The following SIDT1 variants were observed in gnomAD, a reference collection of about 807,000 sequenced individuals.
SIDT1 encodes SID1 transmembrane family member 1, also known as SID1 transmembrane family, member 1.
A neutral mutation model predicts 107.5 loss-of-function variants in SIDT1; 101 were observed. The observed-to-expected ratio is 0.94, with a 90% CI of 0.80 to 1.11. The LOEUF (loss-of-function observed/expected upper bound fraction) is 1.11, where lower values mean the gene tolerates loss of function less well. Among genes scored for constraint, SIDT1 ranks in the 50% least tolerant of loss-of-function variants. The pLI, the probability that SIDT1 is intolerant of heterozygous loss-of-function variation, is 0.00. For missense variants in SIDT1, 1,076 were observed against 1,058.2 expected (o/e 1.02, Z -0.23); for synonymous variants, 395 against 398.2 (o/e 0.99, Z 0.10).
intron 1 of SIDT1, among the ~76,000 whole-genome samples, chr3:113,553,982 G>A (rs1261483746): frequency 1.3e-5 from 2 of 152,204 alleles, no homozygotes; most frequent in Non-Finnish European, 2.9e-5. Context: ...AGGAGGCAGA[G>A]GTTGTAGTGA....
At chr3:113,633,737 A>C (rs1947107456), downstream of SIDT1, among the ~76,000 whole-genome samples, 1 of 152,226 alleles carries the variant, frequency 6.6e-6, no homozygotes, top group African/African-American at 2.4e-5. Context: ...TGGAGCCTGC[A>C]GAAGGCCGTT....
intron 6 of SIDT1, 113 bp downstream of exon 6, chr3:113,581,557 T>C (rs544400456): frequency 2.4e-6 from 2 of 830,848 alleles, no homozygotes; most frequent in South Asian, 2.9e-5. Flanking sequence ...TAGGATCTCC[T>C]TCCTTTCTGA....
chr3:113,587,934 G>C (rs1357474354), intron 9 of SIDT1, among the ~76,000 whole-genome samples: 2 of 152,084 alleles, frequency 1.3e-5, no homozygotes, highest in Non-Finnish European at 2.9e-5. Flanking sequence ...GTTGAAAAGG[G>C]GTCCAAAACA....
intron 4 of SIDT1, 76 bp downstream of exon 4, chr3:113,577,043 C>T (rs1367251685): frequency 7.2e-7 from 1 of 1,396,816 alleles, no homozygotes; most frequent in African/African-American, 1.4e-5. Flanking sequence ...ACCATGTTAC[C>T]CTGGTAGAGT....
chr3:113,627,856 T>C lies in SIDT1; in HGVS notation c.*148T>C. On this transcript the variant is annotated 3_prime_UTR_variant, in exon 25 of 25. Transcript: ENST00000264852. ...GCATTCACACAGGAAGGAGAGGGGCTGCGGGAGATTTAAACCTGCAAGAAA... is the reference window on the plus strand; with the variant it reads ...GCATTCACACAGGAAGGAGAGGGGCCGCGGGAGATTTAAACCTGCAAGAAA... 5.8e-6 allele frequency: 4 copies of C among 693,160 alleles called. No individual in the cohort carries two copies. Among genetic ancestry groups the C allele is most frequent in the Non-Finnish European group, 1.0e-5 (4 of 401,320 alleles). 42.9% of individuals were successfully genotyped at this position (693,160 alleles called of 1,614,324 possible). A position where few individuals can be genotyped will look rare whatever the true frequency, so the allele number is the denominator to read the frequency against.
In SIDT1 at chr3:113,544,611, A is replaced by G. The variant is rs76584935; in HGVS notation, c.222+11368A>G. ...GTTTGGAGAATGTCTCACAATTCAG[A>G]TTTCTCTGATGTGTCTTCATTATTA... On this transcript the variant is annotated intron_variant, in intron 1 of 24. Transcript: ENST00000264852. Among the ~76,000 whole-genome samples the G allele has an allele frequency of 8.4e-3, 1,283 of 152,214 alleles. 17 individuals are homozygous for G. Among genetic ancestry groups the G allele is most frequent in the East Asian group, 0.065 (335 of 5,184 alleles).
the SIDT1 span, among the ~76,000 whole-genome samples, chr3:113,635,815 C>T: frequency 2.7e-5 from 4 of 149,660 alleles, no homozygotes; most frequent in Admixed American, 1.3e-4. Flanking sequence ...GGCAGTGAGC[C>T]GAGATCGTAC....
intron 1 of SIDT1, among the ~76,000 whole-genome samples, chr3:113,546,069 T>G (rs1939548150): frequency 6.6e-6 from 1 of 152,360 alleles, no homozygotes; most frequent in Admixed American, 6.5e-5. Flanking sequence ...AGAGCAGTAC[T>G]GGGGAAGAGC....
At chr3:113,598,353 T>C (rs1335975877) in intron 10 of SIDT1, among the ~76,000 whole-genome samples, 1 of 152,238 alleles carries the variant, frequency 6.6e-6, no homozygotes, top group African/African-American at 2.4e-5. Flanking sequence ...AGTTTTTGGT[T>C]TTTGTTTTTC....
chr3:113,622,925 C>T (rs748075956), intron 21 of SIDT1, among the ~76,000 whole-genome samples: 5 of 152,032 alleles, frequency 3.3e-5, no homozygotes, highest in African/African-American at 7.2e-5. Context: ...CCATGGCTCA[C>T]GGCTGTAATC....
At chr3:113,633,828 T>C (rs1947108170), downstream of SIDT1, among the ~76,000 whole-genome samples, 1 of 152,150 alleles carries the variant, frequency 6.6e-6, no homozygotes, top group Non-Finnish European at 1.5e-5. Context: ...GATCTTGTTT[T>C]CAAGTAAACT....
intron 1 of SIDT1, among the ~76,000 whole-genome samples, chr3:113,563,212 C>G (rs928036490): frequency 6.6e-6 from 1 of 152,190 alleles, no homozygotes; most frequent in Non-Finnish European, 1.5e-5. Context: ...AGGGATTCAA[C>G]TCCGTGGAGA....
chr3:113,616,312 A>C, intron 20 of SIDT1, 136 bp downstream of exon 20: 1 of 671,470 alleles, frequency 1.5e-6, no homozygotes, highest in Non-Finnish European at 2.7e-6. Context: ...AAGGCCCATT[A>C]GTGGGAGAAG....
chr3:113,616,263 C>T (rs748992614), intron 20 of SIDT1, 87 bp downstream of exon 20: 1 of 1,045,008 alleles, frequency 9.6e-7, no homozygotes. Context: ...TCACTCACGG[C>T]TCCTAAAATC....
chr3:113,594,980 C>T (rs1051513327), intron 10 of SIDT1: 1 of 154,224 alleles, frequency 6.5e-6, no homozygotes, highest in African/African-American at 2.4e-5. Flanking sequence ...GAGGGAAGGA[C>T]CTTTTAAGAA....
chr3:113,628,812 C>T lies in SIDT1; in HGVS notation c.*1104C>T, dbSNP rs1947011340. The T allele has an allele frequency of 6.6e-6, 1 of 152,228 alleles. No homozygotes were observed. The highest frequency in any genetic ancestry group is 1.5e-5 in the Non-Finnish European group (1 of 68,064). 9.4% of individuals were successfully genotyped at this position (152,228 alleles called of 1,614,324 possible). ...TCTTCCCTGAGGTTCTCAGAAGCAG[C>T]TCTCAGGATGAACGTATTGTCCTCT... On this transcript the variant is annotated 3_prime_UTR_variant, in exon 25 of 25. Coordinates refer to ENST00000264852, the MANE Select transcript of SIDT1 (RefSeq NM_017699.3).
chr3:113,581,158 T>G (rs1039702020), intron 5 of SIDT1, among the ~76,000 whole-genome samples: 1 of 152,142 alleles, frequency 6.6e-6, no homozygotes, highest in Non-Finnish European at 1.5e-5. Flanking sequence ...CAATATAACA[T>G]GACTTTGACT....
chr3:113,558,215 CCAG>C (rs1941081718), intron 1 of SIDT1, among the ~76,000 whole-genome samples: 1 of 152,178 alleles, frequency 6.6e-6, no homozygotes, highest in Admixed American at 6.5e-5. Flanking sequence ...AACACAAAGG[CCAG>C]CACATCATGG....
chr3:113,612,483 C>T, intron 19 of SIDT1: 1 of 502,904 alleles, frequency 2.0e-6, no homozygotes, highest in South Asian at 1.6e-5. Flanking sequence ...TACAGTCTGC[C>T]AAACTTTGAC....
Sources: allele counts gnomAD v4.1 joint callset (sites outside exome capture counted in the v4.1 genomes callset), GRCh38; gene constraint gnomAD v4.1.1; transcripts MANE v1.5; gene names NCBI Gene and HGNC (gene_info 2026-07-23, HGNC 2026-07-21).